Variants in DCDC1 observed in about 807,000 individuals in gnomAD.
The protein encoded by DCDC1 is doublecortin domain containing 1, also known as doublecortin domain-containing protein 1.
In DCDC1, 200 loss-of-function variants were observed where a neutral mutation model predicts 178.3. The observed-to-expected ratio is 1.12, with a 90% CI of 1.00 to 1.26. The LOEUF (loss-of-function observed/expected upper bound fraction) is 1.26, where lower values mean the gene tolerates loss of function less well. Ranked by LOEUF, DCDC1 falls within the 50% of genes most tolerant of loss-of-function variation. DCDC1 has a pLI of 0.00. For missense variants in DCDC1, 1,983 were observed against 1,749.2 expected (o/e 1.13, Z -2.38); for synonymous variants, 690 against 604.8 (o/e 1.14, Z -2.07).
chr11:31,113,103 C>G (rs897942613), intron 11 of DCDC1, among the ~76,000 whole-genome samples: 3 of 151,986 alleles, frequency 2.0e-5, no homozygotes, highest in Admixed American at 2.0e-4. Context: ...AACTACAATG[C>G]AAAACTAGTT....
chr11:30,876,729 A>C (rs1055577948), intron 38 of DCDC1, among the ~76,000 whole-genome samples: 1 of 152,174 alleles, frequency 6.6e-6, no homozygotes, highest in Non-Finnish European at 1.5e-5. Flanking sequence ...ATAGCAAATC[A>C]ACTTTTCCCT....
At chr11:31,075,279 G>A (rs745957594) in intron 18 of DCDC1, among the ~76,000 whole-genome samples, 1 of 151,820 alleles carries the variant, frequency 6.6e-6, no homozygotes, top group Non-Finnish European at 1.5e-5. Flanking sequence ...ACATTTTCTT[G>A]TCTATTTGTT....
At chr11:31,091,587 T>C in intron 16 of DCDC1, 76 bp from the exon 17 acceptor site, 1 of 687,838 alleles carries the variant, frequency 1.5e-6, no homozygotes, top group Non-Finnish European at 2.7e-6. Flanking sequence ...GTGTCACAAA[T>C]AGTGAGGTCA....
chr11:31,332,410 C>T lies in DCDC1; in HGVS notation c.-7+3037G>A, dbSNP rs1223408463. Among the ~76,000 whole-genome samples the T allele has an allele frequency of 2.6e-5, 4 of 151,930 alleles. No individual in the cohort carries two copies. The South Asian group carries it at 8.3e-4, about 32-fold the overall frequency. ...CTGCTCTGATCTTAGTTATTTCTTG[C>T]CTTCTGCTAGCTTTTGAATTTGTTT... On this transcript the variant is annotated intron_variant, in intron 2 of 38. Coordinates refer to ENST00000684477, the MANE Select transcript of DCDC1 (RefSeq NM_001387274.1).
intron 20 of DCDC1, among the ~76,000 whole-genome samples, chr11:31,001,999 A>C (rs1951607142): frequency 6.6e-6 from 1 of 152,186 alleles, no homozygotes; most frequent in Admixed American, 6.5e-5. Flanking sequence ...CAAAATAGAA[A>C]ATTAAAGTCA....
rs754722646 is a variant in DCDC1 at position 31,265,488 on chromosome 11, C to T, written c.1054+19G>A. 1.5e-6 allele frequency: 2 copies of T among 1,323,838 alleles called. No individual in the cohort carries two copies. Among genetic ancestry groups the T allele is most frequent in the African/African-American group, 3.1e-5 (2 of 65,434 alleles). 82.0% of individuals were successfully genotyped at this position (1,323,838 alleles called of 1,614,324 possible). ...TTTCAAAATATTATCAAATGGTTTA[C>T]AAAATCTTTGCCACTTACCTTTTGA... On this transcript the variant is annotated intron_variant, in intron 8 of 38. Transcript: ENST00000684477.
rs1487355128 is a variant in DCDC1 at position 31,307,829 on chromosome 11, G to A, written c.244C>T (p.Leu82Phe). The change falls in exon 4 of 39, where the codon CTC becomes TTC. Residue 82 changes from leucine (L) to phenylalanine (F), a missense_variant. Physicochemically the swap from Leu to Phe is conservative, Grantham distance 22. Coordinates refer to ENST00000684477, the MANE Select transcript of DCDC1 (RefSeq NM_001387274.1). ...TCTGATACTGCTGCTGAATGCACGA[G>A]TCTGTTGGGGCCAAACTGAGACTGC... ...YLQSQFGPNR[L>F]VHSAAVSEGS... 2 of 1,614,146 alleles carry A rather than the reference G, an allele frequency of 1.2e-6. No individual in the cohort carries two copies. Among genetic ancestry groups the A allele is most frequent in the Non-Finnish European group, 1.7e-6 (2 of 1,179,998 alleles).
rs1944962110 is a variant in DCDC1, at chr11:30,905,077, C to T, written c.4192G>A (p.Ala1398Thr). 6.2e-7 allele frequency: 1 copy of T among 1,613,712 alleles called. No individual in the cohort carries two copies. Among genetic ancestry groups the T allele is most frequent in the African/African-American group, 1.3e-5 (1 of 74,924 alleles). The change falls in exon 31 of 39, where the codon GCT becomes ACT. Residue 1398 changes from alanine (A) to threonine (T), a missense_variant. Coordinates refer to ENST00000684477, the MANE Select transcript of DCDC1 (RefSeq NM_001387274.1). ...LSLRMKTCTQ[A>T]ASHSGMAATH... ...GCTGCCATGCCACTGTGAGATGCAG[C>T]TTGCGTGCAGGTCTTCATCCGTAAA... is the stretch of plus-strand genomic sequence containing the variant.
chr11:30,914,833 T>C (rs969121780), intron 27 of DCDC1, among the ~76,000 whole-genome samples: 3 of 152,182 alleles, frequency 2.0e-5, no homozygotes, highest in Admixed American at 6.5e-5. Flanking sequence ...TTCCAACTTA[T>C]CAGGACTTTT....
chr11:31,167,388 T>C (rs1287484435), intron 9 of DCDC1, among the ~76,000 whole-genome samples: 2 of 152,180 alleles, frequency 1.3e-5, no homozygotes, highest in East Asian at 3.9e-4. Context: ...TTTTCATTTG[T>C]CAGGTATTTG....
In DCDC1 at chr11:30,881,187, G is replaced by C. The variant is rs751389727; in HGVS notation, c.5204C>G (p.Ser1735Cys). ...TGGGGTTTTGAAACCATGTCCCATAGACACACAGATGACCATATCTCGCTC... is the reference window on the plus strand; with the variant it reads ...TGGGGTTTTGAAACCATGTCCCATACACACACAGATGACCATATCTCGCTC... ...DIERDMVICV[S>C]MGHGFKTPKE... Residue 1735 changes from serine to cysteine, a missense_variant, in exon 37 of 39, where the codon TCT becomes TGT. Transcript: ENST00000684477. The C allele has an allele frequency of 1.2e-6, 2 of 1,613,448 alleles. No homozygotes were observed. The highest frequency in any genetic ancestry group is 1.1e-5 in the South Asian group (1 of 91,070).
At chr11:30,973,763 G>C (rs1213876279) in intron 20 of DCDC1, among the ~76,000 whole-genome samples, 1 of 152,110 alleles carries the variant, frequency 6.6e-6, no homozygotes, top group Non-Finnish European at 1.5e-5. Context: ...AACATAAAGG[G>C]AGAAATAAAC....
chr11:31,209,100 G>A (rs1261775237), intron 9 of DCDC1, among the ~76,000 whole-genome samples: 1 of 152,144 alleles, frequency 6.6e-6, no homozygotes, highest in African/African-American at 2.4e-5. Flanking sequence ...GAGGGGTCAG[G>A]AGAACATGAT....
At chr11:30,963,887 C>T (rs1430792144) in intron 20 of DCDC1, among the ~76,000 whole-genome samples, 1 of 152,086 alleles carries the variant, frequency 6.6e-6, no homozygotes, top group African/African-American at 2.4e-5. Context: ...GCTTTTTCTG[C>T]TATCTACTTC....
At chr11:31,116,159 C>G (rs1227987889) in intron 11 of DCDC1, among the ~76,000 whole-genome samples, 1 of 151,778 alleles carries the variant, frequency 6.6e-6, no homozygotes, top group Non-Finnish European at 1.5e-5. Flanking sequence ...GTGACTTCAC[C>G]AAGGCACATC....
chr11:31,125,401 T>A (rs1007313232), intron 11 of DCDC1, among the ~76,000 whole-genome samples: 7 of 152,156 alleles, frequency 4.6e-5, no homozygotes, highest in African/African-American at 7.2e-5. Context: ...GGAAGTACCA[T>A]TTGATCCAGC....
chr11:31,273,169 G>A (rs1012026071), intron 7 of DCDC1, among the ~76,000 whole-genome samples: 1 of 152,176 alleles, frequency 6.6e-6, no homozygotes, highest in Non-Finnish European at 1.5e-5. Flanking sequence ...CCATTGTCTT[G>A]GGGATTAACA....
At chr11:31,308,005 C>CA (rs751690759) in intron 3 of DCDC1, 97 bp from the exon 4 acceptor site, 183 of 1,466,922 alleles carry the variant, frequency 1.2e-4, no homozygotes, top group Non-Finnish European at 1.7e-4. Context: ...ATGTGCTACA[C>CA]AAAATACTAC....
intron 38 of DCDC1, among the ~76,000 whole-genome samples, chr11:30,875,407 C>T (rs1942025771): frequency 6.6e-6 from 1 of 152,164 alleles, no homozygotes; most frequent in African/African-American, 2.4e-5. Context: ...AGAGTCACCA[C>T]TGAGTCTAAA....
Sources: gnomAD v4.1 joint callset for allele counts (sites outside exome capture counted in the v4.1 genomes callset) on GRCh38, gnomAD v4.1.1 for gene constraint, MANE v1.5 for transcripts, NCBI Gene and HGNC (gene_info 2026-07-23, HGNC 2026-07-21) for gene names.